The following EHMT1 variants were observed in gnomAD, a reference collection of about 807,000 sequenced individuals.
EHMT1 encodes histone-lysine N-methyltransferase EHMT1.
In EHMT1, 15 loss-of-function variants were observed where a neutral mutation model predicts 147.2. The ratio of observed to expected loss-of-function variants is 0.10; its 90% confidence interval spans 0.07 to 0.16. The LOEUF (loss-of-function observed/expected upper bound fraction) is 0.16, where lower values mean the gene tolerates loss of function less well. Ranked by LOEUF, EHMT1 falls within the 10% of genes least tolerant of loss-of-function variation. EHMT1 has a pLI of 1.00. For synonymous variants in EHMT1, 795 were observed against 709.6 expected, an observed-to-expected ratio of 1.12 and a Z score of -1.91; for missense variants, 1,587 against 1,772.4, an observed-to-expected ratio of 0.90 and a Z score of 1.88.
intron 7 of EHMT1, among the ~76,000 whole-genome samples, chr9:137,753,414 C>T (rs906004060): frequency 6.6e-6 from 1 of 152,166 alleles, no homozygotes; most frequent in Admixed American, 6.5e-5. Context: ...AAAGTTTTGC[C>T]GTGCGGGGAG....
At position 137,776,888 on chromosome 9, in the gene EHMT1, G is replaced by A; in HGVS notation, c.2018+44G>A. ...GGCTGGGCTCTCCAGTCGTCCACCTGAAAAAGTTTCAGTTGTTAACTCAAC... is the reference window on the plus strand; with the variant it reads ...GGCTGGGCTCTCCAGTCGTCCACCTAAAAAAGTTTCAGTTGTTAACTCAAC... On this transcript the variant is annotated intron_variant, in intron 12 of 26. Transcript: ENST00000460843. This position sits in a 1 kb window ranked among gnomAD's most constrained non-coding sequence, Gnocchi z 4.4. The A allele has an allele frequency of 6.3e-7, 1 of 1,595,196 alleles. No homozygotes were observed. The highest frequency in any genetic ancestry group is 8.6e-7 in the Non-Finnish European group (1 of 1,167,382).
intron 1 of EHMT1, among the ~76,000 whole-genome samples, chr9:137,630,345 C>T (rs779680572): frequency 6.6e-6 from 1 of 152,176 alleles, no homozygotes; most frequent in Non-Finnish European, 1.5e-5. Context: ...GAAGAGGCTG[C>T]TGGATGGCCA....
chr9:137,652,339 C>G (rs1232148355), intron 1 of EHMT1, among the ~76,000 whole-genome samples: 2 of 152,208 alleles, frequency 1.3e-5, no homozygotes, highest in African/African-American at 4.8e-5. Context: ...CTTGGCCTCC[C>G]AAAGTGCTGG....
In EHMT1 at chr9:137,716,744, T is replaced by C. The variant is rs3812496; in HGVS notation, c.204T>C (p.Asn68=). 497 of 1,612,678 alleles carry C rather than the reference T, an allele frequency of 3.1e-4. 3 individuals are homozygous for C. The East Asian group carries it at 0.01, about 34-fold the overall frequency. ...ACAGCGATGCCAGCAGTCATGCAAA[T>C]GCTGCAAAGCACACTCAGGACAGCG... The part of the protein sequence containing the change: ...CENSDASSHA[N]AAKHTQDSAR... The change falls in exon 3 of 27, where the codon AAT becomes AAC. Residue 68 remains asparagine (N), a synonymous_variant. Transcript: ENST00000460843.
At chr9:137,777,794 TTAGAA>T in intron 12 of EHMT1, 83 bp from the exon 13 acceptor site, 1 of 1,573,814 alleles carries the variant, frequency 6.4e-7, no homozygotes, top group Admixed American at 1.7e-5. Context: ...CAGCTCTCAC[TTAGAA>T]AACAGCGCTC....
At chr9:137,668,732 T>TG (rs1940007190) in intron 1 of EHMT1, among the ~76,000 whole-genome samples, 3 of 114,250 alleles carry the variant, frequency 2.6e-5, no homozygotes, top group South Asian at 2.9e-4. Context: ...CTTAGTGTTT[T>TG]CTTTTTTTTT....
intron 4 of EHMT1, among the ~76,000 whole-genome samples, chr9:137,742,311 G>A (rs530889471): frequency 0.021 from 3,197 of 151,304 alleles, 47 homozygotes; most frequent in Middle Eastern, 0.095. Flanking sequence ...GTGTGTGTGT[G>A]TGTGTGTGTG....
chr9:137,779,128 G>A (rs2136745817), intron 13 of EHMT1, among the ~76,000 whole-genome samples: 1 of 152,294 alleles, frequency 6.6e-6, no homozygotes, highest in South Asian at 2.1e-4. Context: ...AGGGACAGAG[G>A]TCCACACCAT....
At chr9:137,791,350 A>G (rs996401915) in intron 16 of EHMT1, among the ~76,000 whole-genome samples, 4 of 152,258 alleles carry the variant, frequency 2.6e-5, no homozygotes, top group African/African-American at 9.6e-5. Context: ...ACATGTTTTT[A>G]TATGTAGAAA....
intron 4 of EHMT1, among the ~76,000 whole-genome samples, chr9:137,736,206 T>G (rs2135924338): frequency 6.6e-6 from 1 of 152,258 alleles, no homozygotes; most frequent in South Asian, 2.1e-4. Flanking sequence ...AAAAAAAGGT[T>G]ACAAGAGACT....
Position 137,790,978 on chromosome 9 carries a change from C to T in EHMT1, c.2505+8C>T, listed in dbSNP as rs375257220. 3.1e-6 allele frequency: 5 copies of T among 1,614,052 alleles called. No individual in the cohort carries two copies. In the African/African-American group the frequency reaches 6.7e-5, roughly 22 times the overall value. On this transcript the variant is annotated splice_region_variant and intron_variant, in intron 16 of 26. Coordinates refer to ENST00000460843, the MANE Select transcript of EHMT1 (RefSeq NM_024757.5). ...GCCCTGGTGGATCCCAAGGTATGTT[C>T]CCCTGTCAGAATCAACGTCCTAGTG...
intron 16 of EHMT1, among the ~76,000 whole-genome samples, chr9:137,795,438 CACAT>C (rs1337399529): frequency 6.7e-6 from 1 of 150,300 alleles, no homozygotes; most frequent in Non-Finnish European, 1.5e-5. Context: ...CTCTCACACT[CACAT>C]ACACACACAG....
At chr9:137,745,252 A>AT (rs1463919271) in intron 6 of EHMT1, among the ~76,000 whole-genome samples, 1 of 152,054 alleles carries the variant, frequency 6.6e-6, no homozygotes, top group Non-Finnish European at 1.5e-5. Context: ...ATTTTCTATC[A>AT]TTTGTCAGAG....
At position 137,754,301 on chromosome 9, in the gene EHMT1, G is replaced by A. The variant is rs749902960; in HGVS notation, c.1369+10G>A. The stretch of plus-strand genomic sequence containing the variant: ...CCCAGCGGTGCCCTCGGTAAATGCC[G>A]TGGGGGTGTGGGCCATCACGGGGAC... On this transcript the variant is annotated intron_variant, in intron 8 of 26. Coordinates refer to ENST00000460843, the MANE Select transcript of EHMT1 (RefSeq NM_024757.5). The A allele has an allele frequency of 1.2e-5, 19 of 1,613,674 alleles. No individual in the cohort carries two copies. Among genetic ancestry groups the A allele is most frequent in the East Asian group, 2.2e-5 (1 of 44,894 alleles).
At chr9:137,832,203 C>T (rs1266459651) in intron 25 of EHMT1, among the ~76,000 whole-genome samples, 1 of 150,940 alleles carries the variant, frequency 6.6e-6, no homozygotes, top group Admixed American at 6.6e-5. Context: ...CCACAGGCCC[C>T]ACCTCCTACA....
chr9:137,690,728 C>T (rs1319151483), intron 1 of EHMT1, among the ~76,000 whole-genome samples: 1 of 152,124 alleles, frequency 6.6e-6, no homozygotes, highest in Non-Finnish European at 1.5e-5. Flanking sequence ...TGCCACCACA[C>T]CCAGCCCTCT....
intron 1 of EHMT1, among the ~76,000 whole-genome samples, chr9:137,648,216 G>A (rs968980964): frequency 2.0e-5 from 3 of 152,082 alleles, no homozygotes; most frequent in Admixed American, 6.6e-5. Context: ...CAGCAAAATC[G>A]TAAGAGACCA....
At chr9:137,746,429 A>G (rs1948548902) in intron 6 of EHMT1, 1 of 152,098 alleles carries the variant, frequency 6.6e-6, no homozygotes, top group African/African-American at 2.4e-5. Flanking sequence ...TTGTCTTTTG[A>G]CCTTGTCTGT....
intron 22 of EHMT1, chr9:137,815,595 C>A: frequency 2.7e-6 from 1 of 372,082 alleles, no homozygotes. Context: ...GTGCAGGAGG[C>A]CCCAACCAGC....
Sources: gnomAD v4.1 joint callset for allele counts (sites outside exome capture counted in the v4.1 genomes callset) on GRCh38, gnomAD v4.1.1 for gene constraint, Gnocchi (gnomAD v3.1) non-coding constraint, MANE v1.5 for transcripts, NCBI Gene and HGNC (gene_info 2026-07-23, HGNC 2026-07-21) for gene names.